Variants in GATM observed in about 807,000 individuals in gnomAD.
The protein encoded by GATM is glycine amidinotransferase, mitochondrial.
In GATM, 23 loss-of-function variants were observed where a neutral mutation model predicts 54.2. That is an observed-to-expected ratio of 0.42 (90% CI 0.31 to 0.60). The LOEUF (loss-of-function observed/expected upper bound fraction) is 0.60, where lower values mean the gene tolerates loss of function less well. Among genes scored for constraint, GATM ranks in the 20% least tolerant of loss-of-function variants. GATM has a pLI of 0.14. For synonymous variants in GATM, 168 were observed against 183.1 expected (o/e 0.92, Z 0.67); for missense variants, 401 against 544.9 (o/e 0.74, Z 2.63).
At chr15:45,398,807 ATTTAATCT>A (rs1383413810) in intron 2 of GATM, among the ~76,000 whole-genome samples, 2 of 152,216 alleles carry the variant, frequency 1.3e-5, no homozygotes, top group Non-Finnish European at 2.9e-5. Context: ...GATTAACATT[ATTTAATCT>A]ACAGATGACT....
At chr15:45,393,393 C>T (rs1054480579) in intron 3 of GATM, among the ~76,000 whole-genome samples, 7 of 150,976 alleles carry the variant, frequency 4.6e-5, no homozygotes, top group South Asian at 2.1e-4. Flanking sequence ...TAACATTTTG[C>T]GCCTCAGTTC....
intron 3 of GATM, among the ~76,000 whole-genome samples, chr15:45,390,480 G>C (rs1157704468): frequency 6.6e-6 from 1 of 152,168 alleles, no homozygotes; most frequent in Non-Finnish European, 1.5e-5. Context: ...CTTTGATTCA[G>C]TGAAAGGAGG....
intron 8 of GATM, 61 bp from the exon 9 acceptor site, chr15:45,362,282 A>G (rs1218877180): frequency 1.9e-6 from 2 of 1,031,962 alleles, no homozygotes; most frequent in African/African-American, 1.6e-5. Context: ...TCATAGAGAA[A>G]GTAGGCCTAC....
rs769023072 is a variant in GATM at position 45,368,129 on chromosome 15, G to A, written c.616C>T (p.Arg206Cys). ...GGAGCTGTTGTCCACTTGGCGCCACGGTGGAAGTAGTCTTTGATAATTGAC... is the reference window on the plus strand; with the variant it reads ...GGAGCTGTTGTCCACTTGGCGCCACAGTGGAAGTAGTCTTTGATAATTGAC... ...YRSIIKDYFH[R>C]GAKWTTAPKP... Residue 206 changes from arginine (R) to cysteine (C), a missense_variant, in exon 4 of 9, where the codon CGT becomes TGT. Arg to Cys is a radical substitution (Grantham distance 180). Transcript: ENST00000396659. The surrounding 1 kb of genome is among the most constrained non-coding windows in gnomAD (Gnocchi z 5.1). 29 of 1,614,026 alleles carry A rather than the reference G, an allele frequency of 1.8e-5. No individual in the cohort carries two copies. The highest frequency in any genetic ancestry group is 2.1e-5 in the Non-Finnish European group (25 of 1,180,014).
intron 1 of GATM, 86 bp downstream of exon 1, chr15:45,378,299 C>T (rs1889676193): frequency 1.9e-6 from 2 of 1,062,290 alleles, no homozygotes; most frequent in Non-Finnish European, 1.3e-6. Flanking sequence ...GTGGCGGCTC[C>T]GGGCAGGGAG....
rs1041818657 is a variant in GATM at position 45,368,694 on chromosome 15, T to C, written c.485-434A>G. 1.3e-5 allele frequency among the ~76,000 whole-genome samples: 2 copies of C among 151,380 alleles called. No individual in the cohort carries two copies. Among genetic ancestry groups the C allele is most frequent in the African/African-American group, 2.4e-5 (1 of 41,110 alleles). ...TGCTAGAAATACATGTGTGTATATA[T>C]ATATGAAAATAGCAAAAAATTCGAA... On this transcript the variant is annotated intron_variant, in intron 3 of 8. Transcript: ENST00000396659. The surrounding 1 kb of genome is among the most constrained non-coding windows in gnomAD (Gnocchi z 5.1).
intron 2 of GATM, among the ~76,000 whole-genome samples, chr15:45,375,196 A>G (rs1230138097): frequency 6.6e-6 from 1 of 151,986 alleles, no homozygotes; most frequent in African/African-American, 2.4e-5. Flanking sequence ...TCAGCCTCCC[A>G]AGTAGCTGGG....
chr15:45,381,046 T>G (rs1489591254), upstream of GATM, among the ~76,000 whole-genome samples: 2 of 152,224 alleles, frequency 1.3e-5, no homozygotes, highest in African/African-American at 2.4e-5. Flanking sequence ...CATATTAGAT[T>G]GTTTGTCTAA....
intron 8 of GATM, among the ~76,000 whole-genome samples, chr15:45,362,914 A>G (rs759772332): frequency 3.3e-5 from 5 of 152,216 alleles, no homozygotes; most frequent in Admixed American, 6.5e-5. Flanking sequence ...TTATTTTGAG[A>G]GGAGGATAGG....
At chr15:45,395,488 A>G (rs1394117819) in intron 3 of GATM, among the ~76,000 whole-genome samples, 2 of 152,220 alleles carry the variant, frequency 1.3e-5, no homozygotes, top group Non-Finnish European at 2.9e-5. Context: ...AACAAAAATT[A>G]TAAAAGATTA....
At chr15:45,387,511 T>C (rs894058426) in intron 3 of GATM, among the ~76,000 whole-genome samples, 1 of 152,198 alleles carries the variant, frequency 6.6e-6, no homozygotes, top group African/African-American at 2.4e-5. Flanking sequence ...CTTCTTCCTG[T>C]GTACCACAGC....
At chr15:45,376,453 G>A (rs1889637173) in intron 2 of GATM, 148 bp downstream of exon 2, 1 of 747,176 alleles carries the variant, frequency 1.3e-6, no homozygotes. Context: ...GGTGTAAATA[G>A]TGTCAAATAC....
chr15:45,376,698 C>G lies in GATM; in HGVS notation c.191G>C (p.Cys64Ser). Residue 64 changes from cysteine to serine, a missense_variant, in exon 2 of 9, where the codon TGC becomes TCC. Cys to Ser is a moderately radical substitution (Grantham distance 112). This residue lies in a region of GATM where 70 missense variants were observed against 61.5 expected (regional missense o/e 1.14). Transcript: ENST00000396659. ...DKATEPLPKD[C>S]PVSSYNEWDP... ...CCATTCGTTGTAAGAAGAGACAGGGCAGTCCTTGGGCAGAGGCTCAGTGGC... is the reference window on the plus strand; with the variant it reads ...CCATTCGTTGTAAGAAGAGACAGGGGAGTCCTTGGGCAGAGGCTCAGTGGC... 6.2e-7 allele frequency: 1 copy of G among 1,614,220 alleles called. No homozygotes were observed. The highest frequency in any genetic ancestry group is 8.5e-7 in the Non-Finnish European group (1 of 1,180,048).
At chr15:45,381,968 TGA>T (rs1370526893), upstream of GATM, among the ~76,000 whole-genome samples, 23 of 152,336 alleles carry the variant, frequency 1.5e-4, no homozygotes, top group East Asian at 1.9e-4. Context: ...GAAACAGGAA[TGA>T]GAGAGATTTT....
chr15:45,367,324 G>A (rs1204320265), intron 4 of GATM, among the ~76,000 whole-genome samples: 2 of 139,176 alleles, frequency 1.4e-5, no homozygotes, highest in Admixed American at 7.3e-5. Flanking sequence ...CTGGGTGACA[G>A]AGCAAGACTC....
chr15:45,402,227 C>T, upstream of GATM: 1 of 671,602 alleles, frequency 1.5e-6, no homozygotes, highest in South Asian at 2.4e-5. Flanking sequence ...TTCACGAAAG[C>T]GGACACCAAC....
At chr15:45,391,398 C>T (rs983198726) in intron 3 of GATM, among the ~76,000 whole-genome samples, 1 of 152,106 alleles carries the variant, frequency 6.6e-6, no homozygotes, top group African/African-American at 2.4e-5. Flanking sequence ...GGTGACGGAG[C>T]GAGACTGTAT....
At position 45,369,414 on chromosome 15, in the gene GATM, A is replaced by G. The variant is rs1454154614; in HGVS notation, c.396T>C (p.Asn132=). Residue 132 remains asparagine (N), a synonymous_variant, in exon 3 of 9, where the codon AAT becomes AAC. Coordinates refer to ENST00000396659, the MANE Select transcript of GATM (RefSeq NM_001482.3). ...CTGTCACTCCTTCCGTTTTTAAAAT[A>G]TTGCACATTTCTTCAATTTCAGCAA... ...KAVAEIEEMC[N]ILKTEGVTVR... The G allele has an allele frequency of 6.2e-7, 1 of 1,614,138 alleles. No individual in the cohort carries two copies. Among genetic ancestry groups the G allele is most frequent in the South Asian group, 1.1e-5 (1 of 91,080 alleles).
At chr15:45,393,002 A>C (rs1418823060) in intron 3 of GATM, among the ~76,000 whole-genome samples, 1 of 152,244 alleles carries the variant, frequency 6.6e-6, no homozygotes, top group Non-Finnish European at 1.5e-5. Context: ...ATTAATTAAA[A>C]TAATAATTAA....
Sources: allele counts gnomAD v4.1 joint callset (sites outside exome capture counted in the v4.1 genomes callset), GRCh38; gene constraint gnomAD v4.1.1; regional missense constraint gnomAD v4.1.1; non-coding constraint Gnocchi (gnomAD v3.1); transcripts MANE v1.5; gene names NCBI Gene and HGNC (gene_info 2026-07-23, HGNC 2026-07-21).